Variants in CRAMP1 observed in about 807,000 individuals in gnomAD.
CRAMP1 encodes protein cramped-like.
A neutral mutation model predicts 115.4 loss-of-function variants in CRAMP1; 50 were observed. That is an observed-to-expected ratio of 0.43 (90% CI 0.35 to 0.55). The LOEUF (loss-of-function observed/expected upper bound fraction) is 0.55. Among genes scored for constraint, CRAMP1 ranks in the 20% least tolerant of loss-of-function variants. CRAMP1 has a pLI of 0.01. For missense variants in CRAMP1, 1,679 were observed against 1,721.7 expected, an observed-to-expected ratio of 0.98 and a Z score of 0.44; for synonymous variants, 866 against 745.4, an observed-to-expected ratio of 1.16 and a Z score of -2.64.
At chr16:1,659,706 T>A (rs1943326984) in intron 10 of CRAMP1, among the ~76,000 whole-genome samples, 180 bp from the exon 11 acceptor site, 1 of 152,214 alleles carries the variant, frequency 6.6e-6, no homozygotes, top group African/African-American at 2.4e-5. Flanking sequence ...CTTTTAAAAC[T>A]GGCAAGCTGC....
intron 6 of CRAMP1, among the ~76,000 whole-genome samples, chr16:1,650,748 A>C (rs1394671244): frequency 1.3e-5 from 2 of 152,268 alleles, no homozygotes; most frequent in Non-Finnish European, 2.9e-5. Context: ...GCAAATATAG[A>C]AGCAGCAACT....
Position 1,670,686 on chromosome 16 carries a change from G to C in CRAMP1, c.3522G>C (p.Lys1174Asn). The change falls in exon 20 of 21, where the codon AAG (lysine) becomes AAC (asparagine). Residue 1174 changes from lysine to asparagine, a missense_variant. Coordinates refer to ENST00000397412, the MANE Select transcript of CRAMP1 (RefSeq NM_020825.4). ...SLFASFISPE[K>N]SRKMLPTPIG... Reference sequence around the variant, plus strand: ...CAGCAAGCTTCATCTCCCCAGAGAAGAGCCGGAAGATGTTGCCGACTCCCA... The same window carrying C: ...CAGCAAGCTTCATCTCCCCAGAGAACAGCCGGAAGATGTTGCCGACTCCCA... 1 of 1,614,014 alleles carries C rather than the reference G, an allele frequency of 6.2e-7. No homozygotes were observed.
chr16:1,616,045 C>T (rs1012965774), intron 2 of CRAMP1, among the ~76,000 whole-genome samples: 3 of 152,080 alleles, frequency 2.0e-5, no homozygotes, highest in Admixed American at 6.6e-5. Flanking sequence ...GGCTGGCCTC[C>T]GGAATCATGG....
chr16:1,653,034 C>T lies in CRAMP1; in HGVS notation c.915C>T (p.Gly305=). 1.9e-6 allele frequency: 3 copies of T among 1,613,424 alleles called. No homozygotes were observed. Among genetic ancestry groups the T allele is most frequent in the Non-Finnish European group, 2.5e-6 (3 of 1,179,706 alleles). ...TTTCATGGTTCTTCTGCATTGCAGG[C>T]TTGAGTGATGAAGAGGACCAGAAGC... ...RALKKLCDPD[G]LSDEEDQKPV... is the part of the protein sequence containing the mutation. The change falls in exon 8 of 21, where the codon GGC becomes GGT. Residue 305 remains glycine, a splice_region_variant and synonymous_variant. Transcript: ENST00000397412.
In CRAMP1 at chr16:1,666,067, T is replaced by C. The variant is rs747759801; in HGVS notation, c.2753-6T>C. On this transcript the variant is annotated splice_polypyrimidine_tract_variant and splice_region_variant and intron_variant, in intron 14 of 20. Transcript: ENST00000397412. The surrounding 1 kb of genome is among the most constrained non-coding windows in gnomAD (Gnocchi z 5.0). The stretch of plus-strand genomic sequence containing the variant: ...GACATGTCTGCTTTTGCCCTCGCCC[T>C]CGCAGGGAGAGGTTCGTTCCGGCCC... 7.5e-6 allele frequency: 12 copies of C among 1,597,896 alleles called. No individual in the cohort carries two copies. The highest frequency in any genetic ancestry group is 1.1e-5 in the South Asian group (1 of 88,732).
intron 3 of CRAMP1, among the ~76,000 whole-genome samples, chr16:1,627,187 C>T (rs1394835374): frequency 6.6e-6 from 1 of 151,834 alleles, no homozygotes; most frequent in African/African-American, 2.4e-5. Flanking sequence ...ACTCTGTTGC[C>T]CAGGCTGGAG....
In CRAMP1 at chr16:1,666,680, C is replaced by T. The variant is rs2036879478; in HGVS notation, c.3036+80C>T. ...CCAAAGCCATGGGGCTGAGATCACG[C>T]TGGACTCCAGCTCTGCCTTTGGAGG... On this transcript the variant is annotated intron_variant, in intron 16 of 20. Transcript: ENST00000397412. The surrounding 1 kb of genome is among the most constrained non-coding windows in gnomAD (Gnocchi z 5.0). 3 of 1,319,042 alleles carry T rather than the reference C, an allele frequency of 2.3e-6. No homozygotes were observed. The highest frequency in any genetic ancestry group is 2.5e-5 in the South Asian group (2 of 79,890). The allele number at this position is 1,319,042 out of a possible 1,614,324, so 81.7% of individuals were successfully genotyped here. A position where few individuals can be genotyped will look rare whatever the true frequency, so the allele number is the denominator to read the frequency against.
chr16:1,668,925 G>A (rs577145043), intron 18 of CRAMP1, 76 bp from the exon 19 acceptor site: 336 of 1,424,796 alleles, frequency 2.4e-4, no homozygotes, highest in South Asian at 9.6e-4. Flanking sequence ...TGCCTTCTCC[G>A]TGGTGGGCTG....
intron 2 of CRAMP1, chr16:1,625,688 G>A (rs1398804345): frequency 2.6e-5 from 8 of 304,872 alleles, no homozygotes; most frequent in African/African-American, 1.3e-4. Context: ...TGGACAGGGC[G>A]TCTTAGGCTG....
intron 16 of CRAMP1, among the ~76,000 whole-genome samples, chr16:1,667,014 C>G (rs1005035952): frequency 5.3e-5 from 8 of 152,234 alleles, no homozygotes; most frequent in African/African-American, 1.9e-4. Context: ...CCCACGGCCA[C>G]TTCAGAGCTG....
Position 1,615,371 on chromosome 16 carries a change from A to C in CRAMP1, c.346+386A>C, listed in dbSNP as rs1265971051. On this transcript the variant is annotated intron_variant, in intron 2 of 20. Coordinates refer to ENST00000397412, the MANE Select transcript of CRAMP1 (RefSeq NM_020825.4). The stretch of plus-strand genomic sequence containing the variant: ...TCTTTCCCAGACATCAGGCGGTGGA[A>C]ATGCACCAAGGGAGCAGGCTTTTGA... Among the ~76,000 whole-genome samples the C allele has an allele frequency of 4.6e-5, 7 of 152,214 alleles. No homozygotes were observed. In the East Asian group the frequency reaches 1.3e-3, roughly 29 times the overall value.
At position 1,672,630 on chromosome 16, in the gene CRAMP1, T is replaced by C. The variant is rs925829932; in HGVS notation, c.3646-1251T>C. On this transcript the variant is annotated intron_variant, in intron 20 of 20. Transcript: ENST00000397412. This position sits in a 1 kb window ranked among gnomAD's most constrained non-coding sequence, Gnocchi z 4.9. ...AAATTTCATTTACGCCATAGCTCTA[T>C]TCAGAATTTTCCAGACTTCTTGCAT... is the stretch of plus-strand genomic sequence containing the variant. Among the ~76,000 whole-genome samples the C allele has an allele frequency of 1.3e-5, 2 of 152,240 alleles. No individual in the cohort carries two copies. The highest frequency in any genetic ancestry group is 2.9e-5 in the Non-Finnish European group (2 of 68,048).
At chr16:1,658,783 G>A (rs2036798263) in intron 10 of CRAMP1, among the ~76,000 whole-genome samples, 1 of 152,224 alleles carries the variant, frequency 6.6e-6, no homozygotes, top group Non-Finnish European at 1.5e-5. Flanking sequence ...ATGGGGCTAG[G>A]GCCTGAAGGC....
chr16:1,639,384 T>G (rs181911313), intron 5 of CRAMP1, among the ~76,000 whole-genome samples: 1 of 150,384 alleles, frequency 6.6e-6, no homozygotes, highest in Admixed American at 6.6e-5. Context: ...TACAGAAGTT[T>G]CCCCCTCTAG....
intron 2 of CRAMP1, among the ~76,000 whole-genome samples, chr16:1,615,740 A>G (rs767053510): frequency 1.7e-4 from 26 of 152,184 alleles, no homozygotes; most frequent in Non-Finnish European, 3.7e-4. Flanking sequence ...TCTTATTTCT[A>G]TTTCAGTCTT....
At chr16:1,664,810 CAT>C (rs2036860103) in intron 13 of CRAMP1, among the ~76,000 whole-genome samples, 1 of 151,204 alleles carries the variant, frequency 6.6e-6, no homozygotes, top group South Asian at 2.1e-4. Flanking sequence ...ATGACTCTGA[CAT>C]TCCTCCAGTT....
chr16:1,635,134 G>C (rs2036577160), intron 4 of CRAMP1, among the ~76,000 whole-genome samples: 1 of 152,182 alleles, frequency 6.6e-6, no homozygotes, highest in African/African-American at 2.4e-5. Flanking sequence ...CTGAGCTCAG[G>C]AAATCCACCT....
intron 3 of CRAMP1, among the ~76,000 whole-genome samples, chr16:1,630,116 C>T (rs923988062): frequency 3.9e-5 from 6 of 152,156 alleles, no homozygotes; most frequent in Non-Finnish European, 5.9e-5. Flanking sequence ...CTACCCCTTA[C>T]CCCCCATCAG....
chr16:1,662,405 G>C, intron 11 of CRAMP1, 85 bp from the exon 12 acceptor site: 1 of 1,139,804 alleles, frequency 8.8e-7, no homozygotes, highest in South Asian at 1.4e-5. Context: ...ATGTCTTTCT[G>C]ACTTTCTTCC....
Sources: gnomAD v4.1 joint callset for allele counts (sites outside exome capture counted in the v4.1 genomes callset) on GRCh38, gnomAD v4.1.1 for gene constraint, Gnocchi (gnomAD v3.1) non-coding constraint, MANE v1.5 for transcripts, NCBI Gene and HGNC (gene_info 2026-07-23, HGNC 2026-07-21) for gene names.